The following SLC2A9 variants were observed in gnomAD, a reference collection of about 807,000 sequenced individuals.
The protein encoded by SLC2A9 is solute carrier family 2 member 9, also known as solute carrier family 2, facilitated glucose transporter member 9.
In SLC2A9, 39 loss-of-function variants were observed where a neutral mutation model predicts 50.6. The ratio of observed to expected loss-of-function variants is 0.77; its 90% confidence interval spans 0.60 to 1.01. The LOEUF is 1.01. SLC2A9 is among the 50% of genes least tolerant of loss of function. SLC2A9 has a pLI of 0.00. For synonymous variants in SLC2A9, 324 were observed against 276.9 expected, an observed-to-expected ratio of 1.17 and a Z score of -1.69; for missense variants, 686 against 677.6, an observed-to-expected ratio of 1.01 and a Z score of -0.14.
At chr4:9,970,695 A>G (rs1578134419) in intron 5 of SLC2A9, among the ~76,000 whole-genome samples, 1 of 151,370 alleles carries the variant, frequency 6.6e-6, no homozygotes, top group Non-Finnish European at 1.5e-5. Flanking sequence ...AAAAAAATGC[A>G]GGTTACAATG....
intron 10 of SLC2A9, among the ~76,000 whole-genome samples, chr4:9,863,580 G>C (rs1731989223): frequency 6.6e-6 from 1 of 152,010 alleles, no homozygotes; most frequent in Non-Finnish European, 1.5e-5. Context: ...CCTCCCCATA[G>C]GCCCTCTTAA....
At chr4:9,789,756 T>C (rs916989300) in intron 3 of SLC2A9, among the ~76,000 whole-genome samples, 5 of 152,252 alleles carry the variant, frequency 3.3e-5, no homozygotes, top group Non-Finnish European at 7.3e-5. Flanking sequence ...ACCATTTTGA[T>C]ATTGCAGGTA....
intron 5 of SLC2A9, among the ~76,000 whole-genome samples, chr4:9,959,395 C>CAAAA (rs397973896): frequency 8.0e-6 from 1 of 124,888 alleles, no homozygotes; most frequent in Non-Finnish European, 1.7e-5. Context: ...AACTCTGTCT[C>CAAAA]AAAAAAAAAA....
chr4:9,816,238 C>T (rs373226507), intron 3 of SLC2A9, among the ~76,000 whole-genome samples: 16 of 152,022 alleles, frequency 1.1e-4, no homozygotes, highest in African/African-American at 3.9e-4. Flanking sequence ...CACAATAAAG[C>T]ATCTTGTGCT....
intron 6 of SLC2A9, among the ~76,000 whole-genome samples, chr4:9,928,025 T>A (rs892869008): frequency 3.9e-5 from 6 of 152,160 alleles, no homozygotes; most frequent in African/African-American, 1.4e-4. Context: ...TAGTTCCAAC[T>A]AATCTTTTTG....
chr4:9,908,206 T>G, intron 8 of SLC2A9, 29 bp downstream of exon 8: 1 of 1,483,312 alleles, frequency 6.7e-7, no homozygotes, highest in Non-Finnish European at 9.4e-7. Flanking sequence ...CCCTGTGGCA[T>G]TCTCAGGAGT....
chr4:9,959,105 G>GA (rs1461923849), intron 5 of SLC2A9, among the ~76,000 whole-genome samples: 1 of 151,824 alleles, frequency 6.6e-6, no homozygotes, highest in Non-Finnish European at 1.5e-5. Flanking sequence ...GGTGCTGGAA[G>GA]AATGCTAAGG....
At chr4:9,872,314 A>G (rs1366967150) in intron 10 of SLC2A9, among the ~76,000 whole-genome samples, 1 of 152,234 alleles carries the variant, frequency 6.6e-6, no homozygotes, top group Non-Finnish European at 1.5e-5. Flanking sequence ...TGTCCTGGCC[A>G]GGAATGAGGG....
Position 10,004,997 on chromosome 4 carries a change from C to T in SLC2A9, c.250-8056G>A, listed in dbSNP as rs561164605. On this transcript the variant is annotated intron_variant, in intron 2 of 11. Coordinates refer to ENST00000264784, the MANE Select transcript of SLC2A9 (RefSeq NM_020041.3). Reference sequence around the variant, plus strand: ...TACTTTTTCATTCAGCCAACAGCCACGAGGCACATTCTTGTATCTTTCTAT... The same window carrying T: ...TACTTTTTCATTCAGCCAACAGCCATGAGGCACATTCTTGTATCTTTCTAT... Among the ~76,000 whole-genome samples, 10 of 152,296 alleles carry T rather than the reference C, an allele frequency of 6.6e-5. No individual in the cohort carries two copies. The South Asian group carries it at 1.0e-3, about 16-fold the overall frequency.
chr4:9,955,583 T>C (rs1175088148), intron 5 of SLC2A9, among the ~76,000 whole-genome samples: 1 of 151,902 alleles, frequency 6.6e-6, no homozygotes, highest in East Asian at 1.9e-4. Flanking sequence ...GCTCTCCAAG[T>C]GTACTTTACT....
At chr4:9,887,770 C>A (rs1239782089) in intron 9 of SLC2A9, 128 bp from the exon 10 acceptor site, 1 of 548,550 alleles carries the variant, frequency 1.8e-6, no homozygotes, top group Admixed American at 4.1e-5. Flanking sequence ...CCCCAAGCCC[C>A]AGCTTCAGCA....
chr4:9,846,139 G>T (rs1430521648), intron 10 of SLC2A9, among the ~76,000 whole-genome samples: 3 of 152,158 alleles, frequency 2.0e-5, no homozygotes, highest in Non-Finnish European at 4.4e-5. Flanking sequence ...ACTTGGCTCC[G>T]AATCCAAGAG....
intron 10 of SLC2A9, among the ~76,000 whole-genome samples, chr4:9,852,543 C>T (rs543275937): frequency 2.6e-5 from 4 of 152,304 alleles, no homozygotes; most frequent in African/African-American, 4.8e-5. Context: ...TGAGCCACCG[C>T]GCCCGGCCTC....
chr4:9,849,805 C>A (rs1413924456), intron 10 of SLC2A9, among the ~76,000 whole-genome samples: 2 of 152,062 alleles, frequency 1.3e-5, no homozygotes, highest in Non-Finnish European at 2.9e-5. Flanking sequence ...CTCAGATGAC[C>A]TGTTTCTAAG....
chr4:9,895,635 G>A (rs1738405824), intron 8 of SLC2A9, among the ~76,000 whole-genome samples: 1 of 152,188 alleles, frequency 6.6e-6, no homozygotes, highest in African/African-American at 2.4e-5. Context: ...TGGGACCTCT[G>A]GTGAAATAAT....
chr4:9,895,919 T>C lies in SLC2A9; in HGVS notation c.1114-5208A>G, dbSNP rs76228651. ...TTCATATTGCTTATTGCAGTGTTTT[T>C]GAGATTCATCCTTCTTGTAGTACAT... On this transcript the variant is annotated intron_variant, in intron 8 of 11. Transcript: ENST00000264784. 1.1e-4 allele frequency among the ~76,000 whole-genome samples: 16 copies of C among 152,352 alleles called. No homozygotes were observed. In the East Asian group the frequency reaches 1.5e-3, roughly 15 times the overall value.
downstream of SLC2A9, among the ~76,000 whole-genome samples, chr4:9,824,016 A>C (rs543856142): frequency 1.9e-4 from 29 of 152,308 alleles, no homozygotes; most frequent in African/African-American, 6.0e-4. Context: ...CCCCTCTAAA[A>C]GTCATGTTGA....
Position 9,803,739 on chromosome 4 carries a change from A to C in SLC2A9, n.421-4498T>G, listed in dbSNP as rs149693345. Among the ~76,000 whole-genome samples, 330 of 152,352 alleles carry C rather than the reference A, an allele frequency of 2.2e-3. 3 individuals are homozygous for C. The highest frequency in any genetic ancestry group is 7.3e-3 in the African/African-American group (302 of 41,586). ...AGAATGTCAGCACTAAGAGGAACTG[A>C]GTTCTTCATTGTCCTTTAATTATGG... On this transcript the variant is annotated intron_variant and non_coding_transcript_variant, in intron 3 of 3. Coordinates refer to the SLC2A9 transcript ENST00000503280.
intron 3 of SLC2A9, among the ~76,000 whole-genome samples, chr4:9,784,691 C>A (rs199814689): frequency 3.3e-5 from 5 of 152,278 alleles, no homozygotes; most frequent in Non-Finnish European, 4.4e-5. Flanking sequence ...GTGTGCACAG[C>A]CAAGGGGAGT....
Sources: gnomAD v4.1 joint callset for allele counts (sites outside exome capture counted in the v4.1 genomes callset) on GRCh38, gnomAD v4.1.1 for gene constraint, MANE v1.5 for transcripts, NCBI Gene and HGNC (gene_info 2026-07-23, HGNC 2026-07-21) for gene names.